Variants in ASIC2 observed in about 807,000 individuals in gnomAD.
ASIC2 encodes acid sensing ion channel subunit 2.
A neutral mutation model predicts 57.3 loss-of-function variants in ASIC2; 25 were observed. The observed-to-expected ratio is 0.44, with a 90% CI of 0.32 to 0.61. ASIC2 has a LOEUF of 0.61. Ranked by LOEUF, ASIC2 falls within the 20% of genes least tolerant of loss-of-function variation. The pLI is 0.06. For missense variants in ASIC2, 641 were observed against 738.1 expected (o/e 0.87, Z 1.52); for synonymous variants, 319 against 307.5 (o/e 1.04, Z -0.39).
Position 33,367,293 on chromosome 17 carries a change from A to G in ASIC2, c.556-255226T>C, listed in dbSNP as rs112038762. ...CACAGAGAGTGAAGTTGTGTAACAT[A>G]CAAAGTACTAAACTCCACGAACTCC... is the stretch of plus-strand genomic sequence containing the variant. On this transcript the variant is annotated intron_variant, in intron 1 of 9. Transcript: ENST00000359872. 1.1e-3 allele frequency among the ~76,000 whole-genome samples: 169 copies of G among 152,350 alleles called. 1 individual carries two copies. The highest frequency in any genetic ancestry group is 3.9e-3 in the African/African-American group (161 of 41,592).
chr17:33,553,656 C>G (rs77371422), intron 1 of ASIC2, among the ~76,000 whole-genome samples: 1 of 152,044 alleles, frequency 6.6e-6, no homozygotes, highest in Non-Finnish European at 1.5e-5. Flanking sequence ...TCTTTAATAC[C>G]AGATAACCTT....
chr17:33,725,731 C>T (rs1056081989), intron 1 of ASIC2, among the ~76,000 whole-genome samples: 2 of 147,302 alleles, frequency 1.4e-5, no homozygotes, highest in Admixed American at 6.7e-5. Context: ...ACCCCCCCCC[C>T]CTTTTTTTAT....
chr17:33,083,255 G>C (rs1248260562), intron 3 of ASIC2, among the ~76,000 whole-genome samples: 1 of 152,196 alleles, frequency 6.6e-6, no homozygotes, highest in African/African-American at 2.4e-5. Flanking sequence ...AGAGGGCTCT[G>C]AGACTATAAG....
At chr17:33,508,377 C>T (rs914045226) in intron 1 of ASIC2, among the ~76,000 whole-genome samples, 3 of 152,164 alleles carry the variant, frequency 2.0e-5, no homozygotes, top group Non-Finnish European at 4.4e-5. Flanking sequence ...GGAATCACAA[C>T]CTGTCTGCCT....
rs866373301 is a variant in ASIC2, at chr17:33,932,745, T to A, written c.555+223233A>T. 9.9e-4 allele frequency: 106 copies of A among 107,114 alleles called. 1 individual carries two copies. The highest frequency in any genetic ancestry group is 1.9e-3 in the Admixed American group (17 of 8,946). 6.6% of individuals were successfully genotyped at this position (107,114 alleles called of 1,614,324 possible). On this transcript the variant is annotated intron_variant, in intron 1 of 9. Coordinates refer to the ASIC2 transcript ENST00000359872. ...AAAAAAAAAAAAAAAAAAAAAAATATATATATATATATATATAGTATGATA... is the reference window on the plus strand; with the variant it reads ...AAAAAAAAAAAAAAAAAAAAAAATAAATATATATATATATATAGTATGATA...
At chr17:33,608,317 T>G (rs540026869) in intron 1 of ASIC2, among the ~76,000 whole-genome samples, 4 of 152,278 alleles carry the variant, frequency 2.6e-5, no homozygotes, top group South Asian at 2.1e-4. Flanking sequence ...CAGTATGGGG[T>G]AGATCTGGGT....
At chr17:33,601,705 A>G (rs1905118915) in intron 1 of ASIC2, among the ~76,000 whole-genome samples, 1 of 152,240 alleles carries the variant, frequency 6.6e-6, no homozygotes, top group South Asian at 2.1e-4. Context: ...ATGCAACTCC[A>G]GCCTGGGAAA....
chr17:34,099,548 GGGAA>G (rs199866378), intron 1 of ASIC2, among the ~76,000 whole-genome samples: 3,160 of 104,610 alleles, frequency 0.03, 156 homozygotes, highest in African/African-American at 0.11. Context: ...AAAGAAAGAA[GGGAA>G]GGAAGGAAGA....
chr17:34,047,977 T>C (rs778945915), intron 1 of ASIC2, among the ~76,000 whole-genome samples: 5 of 152,132 alleles, frequency 3.3e-5, no homozygotes, highest in Admixed American at 1.3e-4. Flanking sequence ...CCACACCATA[T>C]CCTCAATAGG....
At chr17:33,437,844 A>G (rs1755338936) in intron 1 of ASIC2, among the ~76,000 whole-genome samples, 1 of 152,176 alleles carries the variant, frequency 6.6e-6, no homozygotes, top group Admixed American at 6.5e-5. Context: ...ATGGAGGATC[A>G]AGCTTTGGAT....
chr17:34,026,187 C>T (rs917001237), intron 1 of ASIC2, among the ~76,000 whole-genome samples: 2 of 152,190 alleles, frequency 1.3e-5, no homozygotes, highest in African/African-American at 4.8e-5. Context: ...CTGTGGAAAG[C>T]AGTCCTTCTT....
intron 1 of ASIC2, among the ~76,000 whole-genome samples, chr17:33,337,856 T>C (rs1907576610): frequency 6.6e-6 from 1 of 151,972 alleles, no homozygotes; most frequent in African/African-American, 2.4e-5. Context: ...GTGTTCCTTC[T>C]GAGGTGTTCT....
chr17:33,965,010 A>G (rs538588363), intron 1 of ASIC2, among the ~76,000 whole-genome samples: 1 of 152,328 alleles, frequency 6.6e-6, no homozygotes, highest in African/African-American at 2.4e-5. Context: ...TTAGGGGAAC[A>G]GGGAGTTCCA....
chr17:33,235,358 C>A (rs549001335), intron 1 of ASIC2, among the ~76,000 whole-genome samples: 1 of 152,294 alleles, frequency 6.6e-6, no homozygotes, highest in Non-Finnish European at 1.5e-5. Context: ...TTCTCTGGTG[C>A]TGGCAGTGTT....
intron 1 of ASIC2, among the ~76,000 whole-genome samples, chr17:33,958,507 G>A (rs150058280): frequency 2.6e-5 from 4 of 152,304 alleles, no homozygotes; most frequent in African/African-American, 9.6e-5. Flanking sequence ...CCACATGGAA[G>A]CTGTCAAGGC....
intron 1 of ASIC2, among the ~76,000 whole-genome samples, chr17:33,139,095 A>G (rs1465966987): frequency 6.6e-6 from 1 of 152,186 alleles, no homozygotes; most frequent in East Asian, 1.9e-4. Context: ...AGCTCTCACC[A>G]TCCATGGCTT....
chr17:33,188,626 A>T (rs1906295695), intron 1 of ASIC2, among the ~76,000 whole-genome samples: 1 of 152,174 alleles, frequency 6.6e-6, no homozygotes, highest in Admixed American at 6.5e-5. Context: ...ACGTCTCAGA[A>T]ATGAAAGCCA....
intron 7 of ASIC2, among the ~76,000 whole-genome samples, chr17:33,018,296 A>C (rs2881391): frequency 1.3e-5 from 1 of 77,284 alleles, no homozygotes; most frequent in Non-Finnish European, 3.5e-5. Context: ...CCCTGCATCC[A>C]ACTCTCCTGG....
rs937035191 is a variant in ASIC2, at chr17:33,079,248, A to AGAC, written c.987+9612_987+9614dup. The stretch of plus-strand genomic sequence containing the variant: ...TGGCAGGGGAGATAGATAAGTAAAC[A>AGAC]GACGGTTATAATGTGTACATTTTAT... On this transcript the variant is annotated intron_variant, in intron 3 of 9. Transcript: ENST00000225823. Among the ~76,000 whole-genome samples the AGAC allele has an allele frequency of 7.9e-4, 121 of 152,330 alleles. 1 individual carries two copies. Among genetic ancestry groups the AGAC allele is most frequent in the African/African-American group, 2.7e-3 (113 of 41,580 alleles).
Sources: allele counts gnomAD v4.1 joint callset (sites outside exome capture counted in the v4.1 genomes callset), GRCh38; gene constraint gnomAD v4.1.1; transcripts MANE v1.5; gene names NCBI Gene and HGNC (gene_info 2026-07-23, HGNC 2026-07-21).